The following RBMS3 variants were observed in gnomAD, a reference collection of about 807,000 sequenced individuals.
The protein encoded by RBMS3 is RNA-binding motif, single-stranded-interacting protein 3.
RBMS3 carries 27 observed loss-of-function variants against 66.8 expected under a neutral mutation model. The ratio of observed to expected loss-of-function variants is 0.40; its 90% CI spans 0.30 to 0.56. The LOEUF (loss-of-function observed/expected upper bound fraction) is 0.56. Among genes scored for constraint, RBMS3 ranks in the 20% least tolerant of loss-of-function variants. The pLI, the probability that RBMS3 is intolerant of heterozygous loss-of-function variation, is 0.40. For synonymous variants in RBMS3, 188 were observed against 183.0 expected, an observed-to-expected ratio of 1.03 and a Z score of -0.22; for missense variants, 513 against 549.5, an observed-to-expected ratio of 0.93 and a Z score of 0.66.
At chr3:29,585,385 G>T (rs1313705286) in intron 3 of RBMS3, among the ~76,000 whole-genome samples, 6 of 152,116 alleles carry the variant, frequency 3.9e-5, no homozygotes, top group Admixed American at 3.9e-4. Context: ...TACTAGCATA[G>T]TTTACAACGT....
intron 14 of RBMS3, among the ~76,000 whole-genome samples, chr3:29,992,214 C>G (rs1376872013): frequency 2.6e-5 from 4 of 152,120 alleles, no homozygotes; most frequent in Non-Finnish European, 4.4e-5. Context: ...AAAAAATATT[C>G]TGATATTTGT....
chr3:29,527,700 A>G (rs1479556299), intron 3 of RBMS3, among the ~76,000 whole-genome samples: 1 of 152,134 alleles, frequency 6.6e-6, no homozygotes, highest in African/African-American at 2.4e-5. Flanking sequence ...TTATAATTAG[A>G]CTTTTCACAC....
At chr3:29,325,655 CACACACACAT>C (rs941445823) in intron 1 of RBMS3, among the ~76,000 whole-genome samples, 8 of 147,674 alleles carry the variant, frequency 5.4e-5, no homozygotes, top group African/African-American at 1.8e-4. Context: ...TACACACACA[CACACACACAT>C]ACACACACAT....
At chr3:29,772,600 A>C (rs1219274738) in intron 6 of RBMS3, among the ~76,000 whole-genome samples, 4 of 152,008 alleles carry the variant, frequency 2.6e-5, no homozygotes, top group Admixed American at 2.6e-4. Context: ...CTCCGAATGC[A>C]GCATAGACAA....
At chr3:29,653,732 G>A (rs922939111) in intron 4 of RBMS3, among the ~76,000 whole-genome samples, 1 of 151,998 alleles carries the variant, frequency 6.6e-6, no homozygotes, top group African/African-American at 2.4e-5. Context: ...GCCCTACAGC[G>A]ATTCCTCCAC....
At chr3:29,567,089 C>G (rs1212342651) in intron 3 of RBMS3, among the ~76,000 whole-genome samples, 2 of 152,050 alleles carry the variant, frequency 1.3e-5, no homozygotes, top group African/African-American at 2.4e-5. Flanking sequence ...CAGTGAATGT[C>G]ATGATGTTAA....
intron 2 of RBMS3, among the ~76,000 whole-genome samples, chr3:29,487,390 C>A (rs1299827003): frequency 1.3e-5 from 2 of 152,014 alleles, no homozygotes; most frequent in Non-Finnish European, 2.9e-5. Flanking sequence ...ATAATGAAAT[C>A]CCTAACATTT....
intron 3 of RBMS3, among the ~76,000 whole-genome samples, chr3:29,546,032 C>CA (rs1306714825): frequency 2.0e-5 from 3 of 151,432 alleles, no homozygotes; most frequent in East Asian, 3.9e-4. Flanking sequence ...AAAACGCTGA[C>CA]AAAAAAATCA....
At chr3:29,652,991 C>A (rs946481495) in intron 4 of RBMS3, among the ~76,000 whole-genome samples, 1 of 152,048 alleles carries the variant, frequency 6.6e-6, no homozygotes, top group African/African-American at 2.4e-5. Flanking sequence ...ATGTAGAAAT[C>A]AACTTCTATA....
intron 4 of RBMS3, among the ~76,000 whole-genome samples, chr3:29,657,777 A>G (rs1342158300): frequency 6.6e-6 from 1 of 152,184 alleles, no homozygotes; most frequent in Non-Finnish European, 1.5e-5. Context: ...TTTTAACTCA[A>G]TGTTTTATAT....
chr3:29,596,531 G>A (rs1057301570), intron 4 of RBMS3, among the ~76,000 whole-genome samples: 3 of 152,142 alleles, frequency 2.0e-5, no homozygotes, highest in African/African-American at 7.2e-5. Context: ...TTCTTACTAG[G>A]GTCCTTGGAG....
intron 6 of RBMS3, among the ~76,000 whole-genome samples, chr3:29,819,031 A>C (rs567683608): frequency 6.6e-6 from 1 of 152,310 alleles, no homozygotes; most frequent in Admixed American, 6.5e-5. Context: ...AAGAAAAACA[A>C]TACATTCCAT....
intron 4 of RBMS3, among the ~76,000 whole-genome samples, chr3:29,628,592 A>G (rs971201389): frequency 1.3e-5 from 2 of 152,166 alleles, no homozygotes; most frequent in Non-Finnish European, 2.9e-5. Context: ...ATGCATCATT[A>G]TATATGTAAC....
chr3:29,493,239 T>TATAA (rs1393177694), intron 3 of RBMS3, among the ~76,000 whole-genome samples: 1 of 152,148 alleles, frequency 6.6e-6, no homozygotes, highest in Non-Finnish European at 1.5e-5. Flanking sequence ...TATAAAGGGA[T>TATAA]ATAAAATAAT....
At chr3:29,907,876 A>C (rs2060418375) in intron 10 of RBMS3, among the ~76,000 whole-genome samples, 1 of 152,034 alleles carries the variant, frequency 6.6e-6, no homozygotes, top group Non-Finnish European at 1.5e-5. Context: ...TATTTTACCA[A>C]ATCCAGTTTA....
chr3:29,656,750 G>A (rs780622328), intron 4 of RBMS3, among the ~76,000 whole-genome samples: 10 of 152,054 alleles, frequency 6.6e-5, no homozygotes, highest in South Asian at 2.1e-4. Context: ...ACCCATAACC[G>A]TTTTTTATGC....
At chr3:29,385,837 G>A (rs1008186017) in intron 1 of RBMS3, among the ~76,000 whole-genome samples, 3 of 152,032 alleles carry the variant, frequency 2.0e-5, no homozygotes, top group African/African-American at 7.2e-5. Context: ...TTACTTTTGG[G>A]TCGTTTGTTC....
chr3:29,938,363 T>A (rs549095909), intron 11 of RBMS3, among the ~76,000 whole-genome samples: 1 of 152,086 alleles, frequency 6.6e-6, no homozygotes, highest in Middle Eastern at 3.4e-3. Flanking sequence ...GATTTATTAT[T>A]AATACCAAAT....
At position 29,553,983 on chromosome 3, in the gene RBMS3, T is replaced by C. The variant is rs534675786; in HGVS notation, c.308-33131T>C. Among the ~76,000 whole-genome samples the C allele has an allele frequency of 2.6e-5, 4 of 152,264 alleles. No individual in the cohort carries two copies. In the South Asian group the frequency reaches 8.3e-4, roughly 32 times the overall value. On this transcript the variant is annotated intron_variant, in intron 3 of 14. Transcript: ENST00000383767. ...CTGTAACCTTCTTCCAAATCTAGCT[T>C]CCTATGAGCCTTTTGTTTTCATTTT...
Sources: allele counts gnomAD v4.1 joint callset (sites outside exome capture counted in the v4.1 genomes callset), GRCh38; gene constraint gnomAD v4.1.1; transcripts MANE v1.5; gene names NCBI Gene and HGNC (gene_info 2026-07-23, HGNC 2026-07-21).